The following PTGR3 variants were observed in gnomAD, a reference collection of about 807,000 sequenced individuals.
PTGR3 encodes prostaglandin reductase 3, also known as zinc binding alcohol dehydrogenase domain containing 2.
At chr18:75,202,696 GAA>G in the PTGR3 span, among the ~76,000 whole-genome samples, 1 of 146,578 alleles carries the variant, frequency 6.8e-6, no homozygotes, top group Non-Finnish European at 1.5e-5. Flanking sequence ...AAGGAAAAAA[GAA>G]AAAGAGTCAG....
At chr18:75,204,029 A>C in the PTGR3 span, among the ~76,000 whole-genome samples, 2 of 152,184 alleles carry the variant, frequency 1.3e-5, no homozygotes, top group African/African-American at 4.8e-5. Context: ...ACCCACTGCC[A>C]GTTGTGTTCT....
At chr18:75,209,016 T>C in the PTGR3 span, 2 of 1,581,206 alleles carry the variant, frequency 1.3e-6, no homozygotes, top group Non-Finnish European at 1.7e-6. This position sits in a 1 kb window ranked among gnomAD's most constrained non-coding sequence, Gnocchi z 4.7. Context: ...GCGTACGACA[T>C]GTCCACGATG....
chr18:75,196,808 T>C, the PTGR3 span: 2 of 152,092 alleles, frequency 1.3e-5, no homozygotes, highest in African/African-American at 2.4e-5. Context: ...TGAGCACCAA[T>C]GGGCAGGTCT....
chr18:75,201,112 G>C, the PTGR3 span: 1 of 348,144 alleles, frequency 2.9e-6, no homozygotes, highest in Admixed American at 4.4e-5. Context: ...ATCAGATCTG[G>C]CATCAGGAAT....
At chr18:75,209,090 C>T in the PTGR3 span, 5 of 1,463,860 alleles carry the variant, frequency 3.4e-6, no homozygotes, top group African/African-American at 1.5e-5. This position sits in a 1 kb window ranked among gnomAD's most constrained non-coding sequence, Gnocchi z 4.7. Flanking sequence ...TCTGCGCCGA[C>T]GCTGGCCGGG....
the PTGR3 span, among the ~76,000 whole-genome samples, chr18:75,203,382 G>C: frequency 6.6e-6 from 1 of 152,182 alleles, no homozygotes; most frequent in Non-Finnish European, 1.5e-5. Flanking sequence ...TGGTGGAGGA[G>C]GAAAGCCGTT....
chr18:75,208,535 G>A, the PTGR3 span: 2 of 1,077,390 alleles, frequency 1.9e-6, no homozygotes, highest in African/African-American at 1.7e-5. Context: ...TCTGGGTCCC[G>A]TCGGTTTTAT....
the PTGR3 span, among the ~76,000 whole-genome samples, chr18:75,203,830 T>C: frequency 6.6e-6 from 1 of 152,162 alleles, no homozygotes; most frequent in African/African-American, 2.4e-5. Flanking sequence ...TCTCAAGGCC[T>C]GGCGTTTTAA....
the PTGR3 span, chr18:75,205,608 A>G: frequency 1.9e-6 from 1 of 536,734 alleles, no homozygotes; most frequent in Non-Finnish European, 2.4e-6. Context: ...TGCGCAGGGG[A>G]GAGGAACGCT....
At chr18:75,201,742 CT>C in the PTGR3 span, 1 of 1,614,236 alleles carries the variant, frequency 6.2e-7, no homozygotes, top group South Asian at 1.1e-5. Context: ...GAGATAAACC[CT>C]ATTACTATCA....
chr18:75,198,542 G>C, the PTGR3 span: 127 of 151,258 alleles, frequency 8.4e-4, 1 homozygote, highest in African/African-American at 3.0e-3. Context: ...TTAATGCTGA[G>C]GTCAGTTAAC....
the PTGR3 span, chr18:75,196,472 A>C: frequency 6.6e-6 from 1 of 151,782 alleles, no homozygotes; most frequent in Non-Finnish European, 1.5e-5. Context: ...TAGTAAAAAA[A>C]TACAAAAAAA....
chr18:75,202,465 G>A, the PTGR3 span: 8 of 777,642 alleles, frequency 1.0e-5, no homozygotes, highest in African/African-American at 3.5e-5. Flanking sequence ...CAATCTGATC[G>A]AATTTGAGAA....
the PTGR3 span, chr18:75,197,347 C>T: frequency 6.6e-6 from 1 of 152,178 alleles, no homozygotes; most frequent in African/African-American, 2.4e-5. Flanking sequence ...ATTTATTTCA[C>T]ATTGCATGCC....
chr18:75,202,821 T>C, the PTGR3 span, among the ~76,000 whole-genome samples: 2 of 152,208 alleles, frequency 1.3e-5, no homozygotes, highest in African/African-American at 4.8e-5. Context: ...AGAAGTAGAC[T>C]TGTATTGATT....
At chr18:75,196,289 G>A in the PTGR3 span, 1 of 152,250 alleles carries the variant, frequency 6.6e-6, no homozygotes, top group South Asian at 2.1e-4. Flanking sequence ...GATAGATAGT[G>A]CTCCTCAAGG....
the PTGR3 span, chr18:75,201,340 A>G: frequency 7.6e-7 from 1 of 1,312,134 alleles, no homozygotes; most frequent in Non-Finnish European, 1.1e-6. Flanking sequence ...CCAACTAAAA[A>G]TAAATTGATT....
chr18:75,204,259 C>T, the PTGR3 span, among the ~76,000 whole-genome samples: 25,824 of 152,134 alleles, frequency 0.17, 3,177 homozygotes, highest in African/African-American at 0.33. Flanking sequence ...TGCAACCCCC[C>T]CTCTCCCCGC....
the PTGR3 span, chr18:75,202,474 A>C: frequency 1.4e-6 from 1 of 707,532 alleles, no homozygotes; most frequent in South Asian, 2.1e-5. Flanking sequence ...CGAATTTGAG[A>C]AAATTAGTCC....
Sources: allele counts gnomAD v4.1 joint callset (sites outside exome capture counted in the v4.1 genomes callset), GRCh38; gene constraint gnomAD v4.1.1; non-coding constraint Gnocchi (gnomAD v3.1); transcripts MANE v1.5; gene names NCBI Gene and HGNC (gene_info 2026-07-23, HGNC 2026-07-21).